CLSTN2: variants seen among roughly 807,000 people sequenced by gnomAD.
The protein encoded by CLSTN2 is calsyntenin 2, also known as calsyntenin-2.
In CLSTN2, 48 loss-of-function variants were observed where a neutral mutation model predicts 101.2. The ratio of observed to expected loss-of-function variants is 0.47; its 90% CI spans 0.38 to 0.60. CLSTN2 has a LOEUF of 0.60. CLSTN2 is among the 20% of genes least tolerant of loss of function. The pLI is 0.00. For missense variants in CLSTN2, 1,160 were observed against 1,238.2 expected, an observed-to-expected ratio of 0.94 and a Z score of 0.95; for synonymous variants, 481 against 463.6, an observed-to-expected ratio of 1.04 and a Z score of -0.48.
chr3:140,017,844 T>G (rs1019960920), intron 1 of CLSTN2, among the ~76,000 whole-genome samples: 5 of 152,242 alleles, frequency 3.3e-5, no homozygotes, highest in African/African-American at 4.8e-5. Context: ...TAGGCCAGTG[T>G]CCTGAGGTTG....
At chr3:140,408,244 G>A (rs1291162030) in intron 4 of CLSTN2, among the ~76,000 whole-genome samples, 1 of 152,154 alleles carries the variant, frequency 6.6e-6, no homozygotes, top group African/African-American at 2.4e-5. Context: ...AGGATAACAG[G>A]ATGAACAATC....
chr3:140,371,232 G>A (rs1257488860), intron 2 of CLSTN2, among the ~76,000 whole-genome samples: 1 of 152,188 alleles, frequency 6.6e-6, no homozygotes, highest in African/African-American at 2.4e-5. Context: ...GCCTTTGGAA[G>A]TGAGGGGTTC....
At chr3:140,328,358 C>G (rs1190389368) in intron 2 of CLSTN2, among the ~76,000 whole-genome samples, 4 of 152,240 alleles carry the variant, frequency 2.6e-5, no homozygotes, top group African/African-American at 9.6e-5. Context: ...ACCCTCCACA[C>G]AGAATGTTAC....
chr3:140,395,946 T>C (rs1490000517), intron 2 of CLSTN2, among the ~76,000 whole-genome samples: 1 of 152,184 alleles, frequency 6.6e-6, no homozygotes, highest in Non-Finnish European at 1.5e-5. Flanking sequence ...AGAGGCTTTA[T>C]AAGAGCCAGC....
At chr3:140,225,748 G>A (rs190436751) in intron 2 of CLSTN2, among the ~76,000 whole-genome samples, 85 of 152,052 alleles carry the variant, frequency 5.6e-4, no homozygotes, top group African/African-American at 2.0e-3. Flanking sequence ...TACCACCTCG[G>A]CCTCCCAAAG....
intron 8 of CLSTN2, among the ~76,000 whole-genome samples, chr3:140,497,185 A>G (rs1233402390): frequency 1.3e-5 from 2 of 151,734 alleles, no homozygotes; most frequent in Non-Finnish European, 2.9e-5. Flanking sequence ...CCTCGTGCAG[A>G]TAGCTTGGAC....
chr3:140,489,404 A>G (rs894902428), intron 8 of CLSTN2, among the ~76,000 whole-genome samples: 4 of 152,194 alleles, frequency 2.6e-5, no homozygotes, highest in African/African-American at 9.6e-5. Context: ...GCTGTGTGCT[A>G]GAGAGTTTTC....
intron 2 of CLSTN2, among the ~76,000 whole-genome samples, chr3:140,253,258 G>T (rs181798070): frequency 2.6e-5 from 4 of 152,174 alleles, no homozygotes; most frequent in Non-Finnish European, 4.4e-5. Context: ...GGAAGGTAGG[G>T]GCTAGTCAAG....
chr3:140,413,225 C>CT (rs1413358395), intron 4 of CLSTN2, among the ~76,000 whole-genome samples: 1 of 152,012 alleles, frequency 6.6e-6, no homozygotes, highest in African/African-American at 2.4e-5. Flanking sequence ...ACTGATACCA[C>CT]TGAAATAATT....
chr3:140,475,707 T>C (rs1489214546), intron 8 of CLSTN2, among the ~76,000 whole-genome samples: 1 of 152,222 alleles, frequency 6.6e-6, no homozygotes, highest in Non-Finnish European at 1.5e-5. Context: ...GGATCCTGTC[T>C]GGTCTCTTTT....
chr3:140,547,046 CACATAAAAAGTAAACAAAA>C (rs1163268326), intron 10 of CLSTN2, among the ~76,000 whole-genome samples: 1 of 152,128 alleles, frequency 6.6e-6, no homozygotes, highest in Non-Finnish European at 1.5e-5. Flanking sequence ...TGCAAGGATG[CACATAAAAAGTAAACAAAA>C]ACTTAGGACC....
At chr3:140,201,905 A>G (rs532960828) in intron 2 of CLSTN2, among the ~76,000 whole-genome samples, 6 of 152,142 alleles carry the variant, frequency 3.9e-5, no homozygotes, top group Non-Finnish European at 8.8e-5. Context: ...GAAGAGGAGG[A>G]AAGGGAAGAT....
intron 4 of CLSTN2, among the ~76,000 whole-genome samples, chr3:140,408,375 G>A (rs981895709): frequency 3.9e-5 from 6 of 152,088 alleles, no homozygotes; most frequent in African/African-American, 7.2e-5. Context: ...AAAGAAGGGC[G>A]GGGCTATCAG....
At chr3:140,525,762 GT>G (rs1935124353) in intron 8 of CLSTN2, among the ~76,000 whole-genome samples, 1 of 152,096 alleles carries the variant, frequency 6.6e-6, no homozygotes, top group Non-Finnish European at 1.5e-5. Context: ...GGGATGCAAG[GT>G]TGATTCAACA....
intron 2 of CLSTN2, among the ~76,000 whole-genome samples, chr3:140,320,481 A>C (rs1040655077): frequency 1.3e-5 from 2 of 152,076 alleles, no homozygotes; most frequent in Non-Finnish European, 2.9e-5. Context: ...GCTACTGGGC[A>C]TACTTTTTAC....
intron 2 of CLSTN2, among the ~76,000 whole-genome samples, chr3:140,337,091 GCTTA>G (rs2087450591): frequency 6.6e-6 from 1 of 152,192 alleles, no homozygotes; most frequent in African/African-American, 2.4e-5. Context: ...GGAATGTGGG[GCTTA>G]CTTCTTGGGA....
rs1364175685 is a variant in CLSTN2, at chr3:140,510,441, C to G, written c.1345-21883C>G. 4.6e-5 allele frequency among the ~76,000 whole-genome samples: 7 copies of G among 152,232 alleles called. No homozygotes were observed. The South Asian group carries it at 1.4e-3, about 32-fold the overall frequency. ...TCAGTGCATAATAAAGGTGTGCTTA[C>G]TCTCCCCGGGGATGAGATTAAATCC... On this transcript the variant is annotated intron_variant, in intron 8 of 16. Coordinates refer to ENST00000458420, the MANE Select transcript of CLSTN2 (RefSeq NM_022131.3).
chr3:140,103,999 G>A (rs142054611), intron 1 of CLSTN2, among the ~76,000 whole-genome samples: 3 of 152,284 alleles, frequency 2.0e-5, no homozygotes, highest in East Asian at 1.9e-4. Flanking sequence ...TGATTAGAAC[G>A]TTTTCTTCAC....
intron 8 of CLSTN2, among the ~76,000 whole-genome samples, chr3:140,477,106 G>A (rs957975864): frequency 2.0e-5 from 3 of 152,160 alleles, no homozygotes; most frequent in African/African-American, 7.2e-5. Context: ...CAATAACCCT[G>A]GAGGCCCAGC....
Sources: allele counts gnomAD v4.1 joint callset (sites outside exome capture counted in the v4.1 genomes callset), GRCh38; gene constraint gnomAD v4.1.1; transcripts MANE v1.5; gene names NCBI Gene and HGNC (gene_info 2026-07-23, HGNC 2026-07-21).